The following FOXO3 variants were observed in gnomAD, a reference collection of about 807,000 sequenced individuals.
FOXO3 encodes the protein forkhead box protein O3.
Under a neutral mutation model 41.9 loss-of-function variants are expected in FOXO3, and 4 were observed. The ratio of observed to expected loss-of-function variants is 0.10; its 90% CI spans 0.05 to 0.22. FOXO3 has a LOEUF of 0.22. Among genes scored for constraint, FOXO3 ranks in the 10% least tolerant of loss-of-function variants. The pLI, the probability that FOXO3 is intolerant of heterozygous loss-of-function variation, is 1.00. For missense variants in FOXO3, 534 were observed against 906.8 expected (o/e 0.59, Z 5.28); for synonymous variants, 318 against 389.3 (o/e 0.82, Z 2.16).
chr6:108,657,303 ATCTT>A (rs1226569960), intron 1 of FOXO3, among the ~76,000 whole-genome samples: 1 of 152,062 alleles, frequency 6.6e-6, no homozygotes, highest in Non-Finnish European at 1.5e-5. Context: ...TTTCCTAGAG[ATCTT>A]TCTTTCTTGT....
At chr6:108,598,880 C>T (rs1418106988) in intron 1 of FOXO3, among the ~76,000 whole-genome samples, 2 of 152,156 alleles carry the variant, frequency 1.3e-5, no homozygotes, top group African/African-American at 2.4e-5. Context: ...GCAGGGGTGT[C>T]TGTATACCCC....
At chr6:108,572,807 T>C (rs2128357509) in intron 1 of FOXO3, among the ~76,000 whole-genome samples, 1 of 152,328 alleles carries the variant, frequency 6.6e-6, no homozygotes, top group African/African-American at 2.4e-5. Context: ...ATGTCTAATA[T>C]TGATTCTATA....
At chr6:108,650,453 G>C (rs12197634) in intron 1 of FOXO3, among the ~76,000 whole-genome samples, 14,806 of 152,182 alleles carry the variant, frequency 0.097, 746 homozygotes, top group East Asian at 0.15. Flanking sequence ...TTGCATGACT[G>C]TCCTTGCCAG....
chr6:108,619,100 T>A (rs867229933), intron 1 of FOXO3, among the ~76,000 whole-genome samples: 22 of 152,240 alleles, frequency 1.4e-4, no homozygotes, highest in African/African-American at 3.6e-4. Context: ...GTTTTCTAGT[T>A]GTTCCTCTAT....
intron 1 of FOXO3, among the ~76,000 whole-genome samples, chr6:108,572,582 C>T (rs1281912512): frequency 1.3e-5 from 2 of 152,172 alleles, no homozygotes; most frequent in Non-Finnish European, 2.9e-5. Context: ...AATGTTCAGA[C>T]ATTTAAGAAT....
At chr6:108,579,210 A>C (rs1776344729) in intron 1 of FOXO3, among the ~76,000 whole-genome samples, 1 of 152,214 alleles carries the variant, frequency 6.6e-6, no homozygotes, top group East Asian at 1.9e-4. Flanking sequence ...CTTTTCGTAC[A>C]TGAAGCCATA....
intron 1 of FOXO3, among the ~76,000 whole-genome samples, chr6:108,638,731 T>C (rs552591726): frequency 2.0e-5 from 3 of 152,192 alleles, no homozygotes; most frequent in East Asian, 1.9e-4. Context: ...CCTTGCAGTT[T>C]GTTTTCTGTT....
intron 1 of FOXO3, among the ~76,000 whole-genome samples, chr6:108,628,913 G>A (rs1343716871): frequency 6.6e-6 from 1 of 152,084 alleles, no homozygotes; most frequent in Non-Finnish European, 1.5e-5. Context: ...GAGTTAAGAT[G>A]AAGGCATGGA....
intron 1 of FOXO3, chr6:108,618,071 G>A (rs1777566226): frequency 2.7e-6 from 2 of 730,682 alleles, no homozygotes; most frequent in African/African-American, 3.4e-5. Flanking sequence ...AACTGTACAG[G>A]TGTGTCTTTT....
chr6:108,612,541 G>A (rs572937416), intron 1 of FOXO3, among the ~76,000 whole-genome samples: 3 of 152,126 alleles, frequency 2.0e-5, no homozygotes, highest in Admixed American at 6.5e-5. Flanking sequence ...TTAGCTGGGC[G>A]TGGTGGTGGG....
intron 1 of FOXO3, among the ~76,000 whole-genome samples, chr6:108,616,413 T>G (rs574856323): frequency 6.6e-6 from 1 of 152,070 alleles, no homozygotes; most frequent in African/African-American, 2.4e-5. Context: ...CACCCGCCTC[T>G]GCCTCCCAAA....
chr6:108,630,570 A>T (rs943756361), intron 1 of FOXO3, among the ~76,000 whole-genome samples: 4 of 152,106 alleles, frequency 2.6e-5, no homozygotes, highest in Non-Finnish European at 5.9e-5. Context: ...TTGGAGTGGG[A>T]GGAAGTAGTA....
At chr6:108,594,322 T>C (rs1365799000) in intron 1 of FOXO3, among the ~76,000 whole-genome samples, 2 of 152,210 alleles carry the variant, frequency 1.3e-5, no homozygotes, top group East Asian at 3.8e-4. Context: ...CTTCCTCTTT[T>C]AGGGAGAGTT....
intron 1 of FOXO3, chr6:108,618,424 T>C (rs547901049): frequency 6.4e-6 from 3 of 467,050 alleles, no homozygotes; most frequent in East Asian, 4.3e-5. Flanking sequence ...TTTTACTTCA[T>C]TGAGTGCTAG....
At chr6:108,653,330 GCT>G (rs1294560119) in intron 1 of FOXO3, among the ~76,000 whole-genome samples, 2 of 152,148 alleles carry the variant, frequency 1.3e-5, no homozygotes, top group African/African-American at 4.8e-5. Flanking sequence ...GGGTGCTAAA[GCT>G]ATAGTAAAAC....
intron 1 of FOXO3, among the ~76,000 whole-genome samples, chr6:108,657,627 C>T (rs1778725686): frequency 6.6e-6 from 1 of 152,172 alleles, no homozygotes; most frequent in South Asian, 2.1e-4. Context: ...AATCCCAAAA[C>T]TAATGTAAAA....
intron 1 of FOXO3, among the ~76,000 whole-genome samples, chr6:108,607,423 C>T: frequency 6.8e-6 from 1 of 146,856 alleles, no homozygotes; most frequent in Non-Finnish European, 1.5e-5. Context: ...GCACTCCAGC[C>T]TGGGTGACAG....
At chr6:108,678,109 A>C (rs1770688302) in intron 2 of FOXO3, among the ~76,000 whole-genome samples, 1 of 152,200 alleles carries the variant, frequency 6.6e-6, no homozygotes, top group Non-Finnish European at 1.5e-5. Flanking sequence ...TGTAAATACT[A>C]AGTCCTGCTG....
In FOXO3 at chr6:108,583,475, G is replaced by A. The variant is rs539875394; in HGVS notation, c.621+21646G>A. Among the ~76,000 whole-genome samples the A allele has an allele frequency of 2.0e-5, 3 of 152,344 alleles. No homozygotes were observed. In the South Asian group the frequency reaches 6.2e-4, roughly 32 times the overall value. On this transcript the variant is annotated intron_variant, in intron 1 of 2. Coordinates refer to ENST00000406360, the MANE Select transcript of FOXO3 (RefSeq NM_001455.4). Reference sequence around the variant, plus strand: ...GAATTAGTTACTGTGTGCCAGAGGAGTGGGCACATAAGCTGGATCAGTGGC... The same window carrying A: ...GAATTAGTTACTGTGTGCCAGAGGAATGGGCACATAAGCTGGATCAGTGGC...
Sources: gnomAD v4.1 joint callset for allele counts (sites outside exome capture counted in the v4.1 genomes callset) on GRCh38, gnomAD v4.1.1 for gene constraint, MANE v1.5 for transcripts, NCBI Gene and HGNC (gene_info 2026-07-23, HGNC 2026-07-21) for gene names.